Variants in SCN3A observed in about 807,000 individuals in gnomAD.
The protein encoded by SCN3A is sodium channel protein type 3 subunit alpha.
In SCN3A, 60 loss-of-function variants were observed where a neutral mutation model predicts 187.6. The ratio of observed to expected loss-of-function variants is 0.32; its 90% CI spans 0.26 to 0.40. SCN3A has a LOEUF of 0.40. Ranked by LOEUF, SCN3A falls within the 10% of genes least tolerant of loss-of-function variation. The pLI, the probability that SCN3A is intolerant of heterozygous loss-of-function variation, is 1.00. For synonymous variants in SCN3A, 788 were observed against 829.2 expected (o/e 0.95, Z 0.85); for missense variants, 1,601 against 2,428.2 (o/e 0.66, Z 7.16).
intron 12 of SCN3A, among the ~76,000 whole-genome samples, chr2:165,145,171 G>A (rs1005388722): frequency 8.6e-5 from 13 of 151,998 alleles, no homozygotes; most frequent in Non-Finnish European, 1.5e-4. Context: ...CTTGACCAAC[G>A]TCACAGAACT....
At position 165,092,135 on chromosome 2, in the gene SCN3A, G is replaced by T; in HGVS notation, c.4807+119C>A. On this transcript the variant is annotated intron_variant, in intron 27 of 27. Transcript: ENST00000283254. The surrounding 1 kb of genome is among the most constrained non-coding windows in gnomAD (Gnocchi z 4.2). ...GTTTTTATTCAAATATGCTAGTGTT[G>T]AACTTTACATCTATATGCATTATTA... 9.9e-7 allele frequency: 1 copy of T among 1,011,956 alleles called. No individual in the cohort carries two copies. Among genetic ancestry groups the T allele is most frequent in the South Asian group, 1.3e-5 (1 of 76,620 alleles). 62.7% of individuals were successfully genotyped at this position (1,011,956 alleles called of 1,614,324 possible).
intron 11 of SCN3A, among the ~76,000 whole-genome samples, chr2:165,149,356 G>C (rs1333386253): frequency 6.6e-6 from 1 of 151,902 alleles, no homozygotes; most frequent in Non-Finnish European, 1.5e-5. Context: ...TGTATTTTTA[G>C]TAGAGACAGG....
At position 165,162,609 on chromosome 2, in the gene SCN3A, A is replaced by T; in HGVS notation, c.914T>A (p.Phe305Tyr). ...AAATGTGCTCATTGTTACATTAACA[A>T]ATGTCCCATTTGAATCCATTGTGCC... ...FNGTMDSNGTFVNVTMSTFNW... is the reference protein window; with the variant it reads ...FNGTMDSNGTYVNVTMSTFNW... Residue 305 changes from phenylalanine to tyrosine, a missense_variant, in exon 8 of 28, where the codon TTT becomes TAT. Around this residue, in one of 11 missense-constraint regions of SCN3A, gnomAD observed 104 missense variants for 102.7 expected, o/e 1.01. Transcript: ENST00000283254. The T allele has an allele frequency of 6.2e-7, 1 of 1,614,186 alleles. No individual in the cohort carries two copies. The highest frequency in any genetic ancestry group is 8.5e-7 in the Non-Finnish European group (1 of 1,180,032).
At chr2:165,121,283 A>C (rs991302829) in intron 18 of SCN3A, among the ~76,000 whole-genome samples, 7 of 152,180 alleles carry the variant, frequency 4.6e-5, no homozygotes, top group Admixed American at 3.9e-4. Flanking sequence ...AATAGCACAA[A>C]GTCATGTCCA....
At chr2:165,095,434 C>A in intron 25 of SCN3A, 77 bp downstream of exon 25, 1 of 1,404,706 alleles carries the variant, frequency 7.1e-7, no homozygotes, top group Admixed American at 1.7e-5. Flanking sequence ...GTCATGACCA[C>A]AGGTATTCTG....
chr2:165,120,060 A>G (rs1240179910), intron 18 of SCN3A, among the ~76,000 whole-genome samples: 1 of 152,182 alleles, frequency 6.6e-6, no homozygotes, highest in African/African-American at 2.4e-5. Context: ...CAGAGGGATG[A>G]TGGCTTATGC....
chr2:165,163,813 G>C (rs1279738441), intron 6 of SCN3A, 104 bp from the exon 7 acceptor site: 1 of 1,613,854 alleles, frequency 6.2e-7, no homozygotes, highest in Admixed American at 1.7e-5. Flanking sequence ...TGGAATTACA[G>C]AAATAGTTTT....
chr2:165,140,972 C>T lies in SCN3A; in HGVS notation c.1698G>A (p.Leu566=), dbSNP rs765208215. The change falls in exon 13 of 28, where the codon CTG becomes CTA. Residue 566 remains leucine (L), a synonymous_variant. Coordinates refer to ENST00000283254, the MANE Select transcript of SCN3A (RefSeq NM_006922.4). The surrounding 1 kb of genome is among the most constrained non-coding windows in gnomAD (Gnocchi z 4.2). ...TTTTGCTATTGCGTCTTGGGGAAAA[C>T]AGGGAGCCACGGATACTCAAGAGAG... ...HQSLLSIRGS[L]FSPRRNSKTS... is the part of the protein sequence containing the mutation. 3 of 1,613,882 alleles carry T rather than the reference C, an allele frequency of 1.9e-6. No individual in the cohort carries two copies. Among genetic ancestry groups the T allele is most frequent in the Non-Finnish European group, 2.5e-6 (3 of 1,179,936 alleles).
In SCN3A at chr2:165,203,816, A is replaced by G. The variant is rs1481075069; in HGVS notation, c.-248+7T>C. ...GGTGCAGATAATGAAATGTTTTGTC[A>G]GCTTACCTGATAAAACAGAGCCTTA... is the stretch of plus-strand genomic sequence containing the variant. On this transcript the variant is annotated splice_region_variant and intron_variant, in intron 1 of 27. Coordinates refer to ENST00000283254, the MANE Select transcript of SCN3A (RefSeq NM_006922.4). 1 of 151,788 alleles carries G rather than the reference A, an allele frequency of 6.6e-6. No individual in the cohort carries two copies. Among genetic ancestry groups the G allele is most frequent in the African/African-American group, 2.4e-5 (1 of 41,312 alleles). 9.4% of individuals were successfully genotyped at this position (151,788 alleles called of 1,614,324 possible). A position where few individuals can be genotyped will look rare whatever the true frequency, so the allele number is the denominator to read the frequency against.
At position 165,131,433 on chromosome 2, in the gene SCN3A, C is replaced by T; in HGVS notation, c.2392-16G>A. The T allele has an allele frequency of 6.3e-7, 1 of 1,590,698 alleles. No homozygotes were observed. The highest frequency in any genetic ancestry group is 8.6e-7 in the Non-Finnish European group (1 of 1,165,068). On this transcript the variant is annotated splice_polypyrimidine_tract_variant and intron_variant, in intron 15 of 27. Coordinates refer to ENST00000283254, the MANE Select transcript of SCN3A (RefSeq NM_006922.4). ...CAGTAAAGACCTAAAAAATAGAGAT[C>T]AGCACTACTTCAAGAGCACTGAAAA...
In SCN3A at chr2:165,176,230, C is replaced by T. The variant is rs576655569; in HGVS notation, c.165G>A (p.Leu55=). 4 of 1,614,022 alleles carry T rather than the reference C, an allele frequency of 2.5e-6. 1 individual carries two copies. In the South Asian group the frequency reaches 3.3e-5, roughly 13 times the overall value. ...TAAATGGAAGGTTCTTTCCAGCTTCCAAGTCACTATTTGGCTTTGGTTTGT... is the reference window on the plus strand; with the variant it reads ...TAAATGGAAGGTTCTTTCCAGCTTCTAAGTCACTATTTGGCTTTGGTTTGT... ...DENKPKPNSD[L]EAGKNLPFIY... Residue 55 remains leucine, a synonymous_variant, in exon 3 of 28, where the codon TTG becomes TTA. Coordinates refer to ENST00000283254, the MANE Select transcript of SCN3A (RefSeq NM_006922.4).
intron 1 of SCN3A, among the ~76,000 whole-genome samples, chr2:165,188,910 G>T (rs1410071603): frequency 6.6e-6 from 1 of 152,016 alleles, no homozygotes; most frequent in Non-Finnish European, 1.5e-5. Context: ...CTGAGGTAGG[G>T]TCGAGGGATC....
rs533803282 is a variant in SCN3A, at chr2:165,129,221, G to A, written c.2922+719C>T. ...AGAAATGCTTTGCCCACGCATGACT[G>A]AGAAATTTAAGCATTAAACATATAA... On this transcript the variant is annotated intron_variant, in intron 17 of 27. Transcript: ENST00000283254. 6.6e-5 allele frequency among the ~76,000 whole-genome samples: 10 copies of A among 152,308 alleles called. No homozygotes were observed. The South Asian group carries it at 1.9e-3, about 28-fold the overall frequency.
chr2:165,166,866 G>A (rs1033359432), intron 5 of SCN3A, among the ~76,000 whole-genome samples: 5 of 151,760 alleles, frequency 3.3e-5, no homozygotes, highest in Non-Finnish European at 7.4e-5. Flanking sequence ...AGTTATTACT[G>A]CTTCTTTAGA....
Position 165,139,625 on chromosome 2 carries a change from G to T in SCN3A, c.2020-17C>A, listed in dbSNP as rs376457992. The T allele has an allele frequency of 6.8e-5, 109 of 1,613,520 alleles. No homozygotes were observed. In the African/African-American group the frequency reaches 6.8e-4, roughly 10 times the overall value. On this transcript the variant is annotated splice_polypyrimidine_tract_variant and intron_variant, in intron 13 of 27. Transcript: ENST00000283254. Reference sequence around the variant, plus strand: ...GGTGGTGCCCTGCAAACCAAATACTGATGGCTCAAACCACTCTTCCCAATA... The same window carrying T: ...GGTGGTGCCCTGCAAACCAAATACTTATGGCTCAAACCACTCTTCCCAATA...
chr2:165,163,517 T>A (rs1157163642), intron 7 of SCN3A, 101 bp downstream of exon 7: 2 of 1,334,850 alleles, frequency 1.5e-6, no homozygotes, highest in Non-Finnish European at 2.1e-6. Flanking sequence ...TTTAACGGGA[T>A]GAACTGTAAT....
At chr2:165,101,728 TG>T (rs1685613224) in intron 21 of SCN3A, among the ~76,000 whole-genome samples, 1 of 152,218 alleles carries the variant, frequency 6.6e-6, no homozygotes, top group Admixed American at 6.5e-5. Context: ...GAAAAAAGGC[TG>T]TTGAAAATGG....
Position 165,138,171 on chromosome 2 carries a change from A to T in SCN3A, c.2153-54T>A, listed in dbSNP as rs576383921. The stretch of plus-strand genomic sequence containing the variant: ...TAAATAACAACAAAAATGAGTTATT[A>T]TTGCTAGTAGATTTTACATTATTTA... On this transcript the variant is annotated intron_variant, in intron 14 of 27. Transcript: ENST00000283254. 1.7e-5 allele frequency: 22 copies of T among 1,257,346 alleles called. No individual in the cohort carries two copies. In the African/African-American group the frequency reaches 3.2e-4, roughly 18 times the overall value. The allele number at this position is 1,257,346 out of a possible 1,614,324, so 77.9% of individuals were successfully genotyped here. A position where few individuals can be genotyped will look rare whatever the true frequency, so the allele number is the denominator to read the frequency against.
chr2:165,161,172 A>T (rs1452380957), intron 9 of SCN3A, among the ~76,000 whole-genome samples: 5 of 57,822 alleles, frequency 8.6e-5, no homozygotes, highest in South Asian at 5.8e-4. Flanking sequence ...TGTTTTGTAG[A>T]GGTAGGGTCT....
Sources: gnomAD v4.1 joint callset for allele counts (sites outside exome capture counted in the v4.1 genomes callset) on GRCh38, gnomAD v4.1.1 for gene constraint, gnomAD v4.1.1 regional missense constraint, Gnocchi (gnomAD v3.1) non-coding constraint, MANE v1.5 for transcripts, NCBI Gene and HGNC (gene_info 2026-07-23, HGNC 2026-07-21) for gene names.